CDK12: variants seen among roughly 807,000 people sequenced by gnomAD.
CDK12 encodes cyclin dependent kinase 12.
A neutral mutation model predicts 133.8 loss-of-function variants in CDK12; 17 were observed. The observed-to-expected ratio is 0.13, with a 90% CI of 0.09 to 0.19. The LOEUF (loss-of-function observed/expected upper bound fraction) is 0.19. Among genes scored for constraint, CDK12 ranks in the 10% least tolerant of loss-of-function variants. The pLI is 1.00. For missense variants in CDK12, 1,508 were observed against 1,818.7 expected (o/e 0.83, Z 3.11); for synonymous variants, 694 against 683.6 (o/e 1.02, Z -0.24).
chr17:39,564,387 C>T (rs774193252), intron 3 of CDK12, among the ~76,000 whole-genome samples: 1 of 152,178 alleles, frequency 6.6e-6, no homozygotes, highest in Non-Finnish European at 1.5e-5. Context: ...AGGTTCCCTC[C>T]TCCTGGCAGG....
chr17:39,530,936 T>C lies in CDK12; in HGVS notation c.4093T>C (p.Ser1365Pro), dbSNP rs200395959. Residue 1365 changes from serine (S) to proline (P), a missense_variant, in exon 14 of 14, where the codon TCC becomes CCC. Physicochemically the swap from Ser to Pro is moderately conservative, Grantham distance 74. Around this residue, in one of 9 missense-constraint regions of CDK12, gnomAD observed 399 missense variants for 469.6 expected, o/e 0.85. Coordinates refer to ENST00000447079, the MANE Select transcript of CDK12 (RefSeq NM_016507.4). ...AAACTCTGGTCCAGCCTTGACAGAA[T>C]CCTTGGTCCAGACCCTGGTGAAGAA... ...ERNSGPALTE[S>P]LVQTLVKNRT... The C allele has an allele frequency of 1.6e-5, 26 of 1,614,226 alleles. No individual in the cohort carries two copies. The highest frequency in any genetic ancestry group is 8.5e-7 in the Non-Finnish European group (1 of 1,180,038).
intron 10 of CDK12, among the ~76,000 whole-genome samples, chr17:39,517,847 T>TTTTG (rs1327524120): frequency 3.3e-5 from 5 of 152,130 alleles, no homozygotes; most frequent in East Asian, 1.9e-4. Flanking sequence ...GCTTCATGGG[T>TTTTG]TTTGTTTGTT....
chr17:39,489,850 G>C (rs1198664569), intron 2 of CDK12, among the ~76,000 whole-genome samples: 10 of 144,340 alleles, frequency 6.9e-5, no homozygotes, highest in Non-Finnish European at 3.0e-5. Flanking sequence ...GTGTTTTCCA[G>C]GGTGGTCTCA....
At position 39,531,207 on chromosome 17, in the gene CDK12, C is replaced by T. The variant is rs759302825; in HGVS notation, c.4364C>T (p.Ala1455Val). The stretch of plus-strand genomic sequence containing the variant: ...ACCACTGGGGCCAGCAGCTCAGGAG[C>T]AGGCCTTCACTGGGGGGGCCCAACT... ...PGTTGASSSG[A>V]GLHWGGPTQS... Residue 1455 changes from alanine (A) to valine (V), a missense_variant, in exon 14 of 14, where the codon GCA (alanine) becomes GTA (valine). Physicochemically the swap from Ala to Val is moderately conservative, Grantham distance 64. Coordinates refer to ENST00000447079, the MANE Select transcript of CDK12 (RefSeq NM_016507.4). The T allele has an allele frequency of 5.9e-6, 9 of 1,517,584 alleles. No individual in the cohort carries two copies. The highest frequency in any genetic ancestry group is 1.3e-5 in the South Asian group (1 of 74,648). 94.0% of individuals were successfully genotyped at this position (1,517,584 alleles called of 1,614,324 possible).
chr17:39,519,585 CTTTTTTTT>C (rs36022813), intron 10 of CDK12, among the ~76,000 whole-genome samples: 1 of 138,692 alleles, frequency 7.2e-6, no homozygotes, highest in South Asian at 2.3e-4. Flanking sequence ...ATTGCACATC[CTTTTTTTT>C]TTTTTTTTTA....
At chr17:39,562,862 T>G (rs1466589588) in intron 3 of CDK12, among the ~76,000 whole-genome samples, 1 of 150,540 alleles carries the variant, frequency 6.6e-6, no homozygotes, top group Non-Finnish European at 1.5e-5. Flanking sequence ...CTCCTTTCTT[T>G]CTCTGTCTCT....
At position 39,463,009 on chromosome 17, in the gene CDK12, A is replaced by C. The variant is rs777938487; in HGVS notation, c.938A>C (p.Tyr313Ser). 1 of 1,614,058 alleles carries C rather than the reference A, an allele frequency of 6.2e-7. No individual in the cohort carries two copies. The highest frequency in any genetic ancestry group is 1.3e-5 in the African/African-American group (1 of 74,926). Reference protein sequence around the residue: ...SPYSRRRSSSYERSGSYSGRS... With the variant: ...SPYSRRRSSSSERSGSYSGRS... The stretch of plus-strand genomic sequence containing the variant: ...TATAGCAGGAGACGGTCGTCCAGCT[A>C]CGAAAGAAGTGGCTCTTACAGCGGG... The change falls in exon 1 of 14, where the codon TAC becomes TCC. Residue 313 changes from tyrosine (Y) to serine (S), a missense_variant. Coordinates refer to ENST00000447079, the MANE Select transcript of CDK12 (RefSeq NM_016507.4).
chr17:39,554,694 C>G (rs1421236254), intron 2 of CDK12, among the ~76,000 whole-genome samples: 1 of 151,628 alleles, frequency 6.6e-6, no homozygotes, highest in Non-Finnish European at 1.5e-5. Context: ...TCCTGACCAA[C>G]ATGGTGAAAC....
At chr17:39,473,442 A>G (rs1318769809) in intron 2 of CDK12, among the ~76,000 whole-genome samples, 1 of 152,112 alleles carries the variant, frequency 6.6e-6, no homozygotes, top group Non-Finnish European at 1.5e-5. Context: ...GAAGGCATTA[A>G]CAAAAATACT....
At chr17:39,502,467 T>C (rs1229323839) in intron 6 of CDK12, among the ~76,000 whole-genome samples, 1 of 152,148 alleles carries the variant, frequency 6.6e-6, no homozygotes, top group Non-Finnish European at 1.5e-5. Flanking sequence ...CAGTTTTATC[T>C]AACAGACATT....
At chr17:39,536,180 C>G (rs753600013), downstream of CDK12, among the ~76,000 whole-genome samples, 23 of 152,168 alleles carry the variant, frequency 1.5e-4, no homozygotes, top group Admixed American at 1.3e-3. Context: ...CATCTCCTAT[C>G]CACCCACTTC....
At chr17:39,465,917 G>C (rs2049272955) in intron 1 of CDK12, among the ~76,000 whole-genome samples, 1 of 152,148 alleles carries the variant, frequency 6.6e-6, no homozygotes, top group South Asian at 2.1e-4. Context: ...AGTGTGCTAA[G>C]ACTAAAACAC....
intron 13 of CDK12, among the ~76,000 whole-genome samples, chr17:39,528,082 A>AT (rs1219609880): frequency 5.3e-4 from 79 of 149,092 alleles, no homozygotes; most frequent in African/African-American, 1.7e-3. Context: ...CACCTGGCTA[A>AT]TTTTTTTTTG....
intron 13 of CDK12, among the ~76,000 whole-genome samples, chr17:39,526,590 C>T (rs1175403246): frequency 6.6e-6 from 1 of 152,144 alleles, no homozygotes; most frequent in Non-Finnish European, 1.5e-5. Flanking sequence ...CCAAGGAAAC[C>T]ACAACCATAG....
chr17:39,531,209 G>C lies in CDK12; in HGVS notation c.4366G>C (p.Gly1456Arg), dbSNP rs764911785. 6.6e-7 allele frequency: 1 copy of C among 1,517,442 alleles called. No homozygotes were observed. Among genetic ancestry groups the C allele is most frequent in the East Asian group, 2.3e-5 (1 of 43,982 alleles). The allele number at this position is 1,517,442 out of a possible 1,614,324, so 94.0% of individuals were successfully genotyped here. A position where few individuals can be genotyped will look rare whatever the true frequency, so the allele number is the denominator to read the frequency against. ...GTTGASSSGA[G>R]LHWGGPTQSS... ...CACTGGGGCCAGCAGCTCAGGAGCA[G>C]GCCTTCACTGGGGGGGCCCAACTCA... The change falls in exon 14 of 14, where the codon GGC becomes CGC. Residue 1456 changes from glycine (G) to arginine (R), a missense_variant. Coordinates refer to ENST00000447079, the MANE Select transcript of CDK12 (RefSeq NM_016507.4).
chr17:39,499,214 T>TTCTTTCTTTCTTTCTTTC (rs2052519033), intron 5 of CDK12, among the ~76,000 whole-genome samples: 1 of 105,194 alleles, frequency 9.5e-6, no homozygotes, highest in Non-Finnish European at 1.9e-5. Flanking sequence ...TTTCCTTTTT[T>TTCTTTCTTTCTTTCTTTC]TTTTTTTTTT....
At chr17:39,528,474 AG>A (rs1018745552) in intron 13 of CDK12, among the ~76,000 whole-genome samples, 1 of 151,850 alleles carries the variant, frequency 6.6e-6, no homozygotes, top group African/African-American at 2.4e-5. Context: ...CTGGGATTAC[AG>A]GTGTGTGACA....
intron 3 of CDK12, among the ~76,000 whole-genome samples, chr17:39,562,022 C>T (rs570696784): frequency 1.4e-4 from 22 of 152,316 alleles, no homozygotes; most frequent in African/African-American, 5.3e-4. Context: ...TCACTGCAAC[C>T]TCCGCCTCCT....
Position 39,509,711 on chromosome 17 carries a change from A to C in CDK12, c.2616A>C (p.Gln872His). The C allele has an allele frequency of 1.2e-6, 2 of 1,612,814 alleles. No homozygotes were observed. Among genetic ancestry groups the C allele is most frequent in the Non-Finnish European group, 8.5e-7 (1 of 1,178,752 alleles). Reference protein sequence around the residue: ...CSNILLNNSGQIKLADFGLAR... With the variant: ...CSNILLNNSGHIKLADFGLAR... ...ATTGTTTTTTGTTTTACAGTGGGCA[A>C]ATCAAACTAGCAGATTTTGGACTTG... Residue 872 changes from glutamine to histidine, a missense_variant, in exon 7 of 14, where the codon CAA (glutamine) becomes CAC (histidine). By Grantham distance (24) the Gln-to-His change is conservative. Transcript: ENST00000447079.
Sources: gnomAD v4.1 joint callset for allele counts (sites outside exome capture counted in the v4.1 genomes callset) on GRCh38, gnomAD v4.1.1 for gene constraint, gnomAD v4.1.1 regional missense constraint, MANE v1.5 for transcripts, NCBI Gene and HGNC (gene_info 2026-07-23, HGNC 2026-07-21) for gene names.